The following SPOCK3 variants were observed in gnomAD, a reference collection of about 807,000 sequenced individuals.
SPOCK3 encodes testican-3.
In SPOCK3, 30 loss-of-function variants were observed where a neutral mutation model predicts 56.6. The ratio of observed to expected loss-of-function variants is 0.53; its 90% CI spans 0.40 to 0.72. The LOEUF is 0.72. Ranked by LOEUF, SPOCK3 falls within the 30% of genes least tolerant of loss-of-function variation. The pLI, the probability that SPOCK3 is intolerant of heterozygous loss-of-function variation, is 0.00. For missense variants in SPOCK3, 527 were observed against 530.0 expected, an observed-to-expected ratio of 0.99 and a Z score of 0.06; for synonymous variants, 196 against 183.3, an observed-to-expected ratio of 1.07 and a Z score of -0.56.
At chr4:167,069,530 C>T (rs548543365) in intron 2 of SPOCK3, among the ~76,000 whole-genome samples, 16 of 151,866 alleles carry the variant, frequency 1.1e-4, no homozygotes, top group African/African-American at 2.9e-4. Flanking sequence ...TCGTAGCGGG[C>T]GGGTTTGTTG....
At chr4:167,223,683 A>G (rs1266668443) in intron 2 of SPOCK3, among the ~76,000 whole-genome samples, 3 of 152,034 alleles carry the variant, frequency 2.0e-5, no homozygotes, top group Non-Finnish European at 4.4e-5. Flanking sequence ...GGCACAGTGA[A>G]TCATGCCTGT....
At chr4:167,038,943 T>G (rs1474692052) in intron 3 of SPOCK3, among the ~76,000 whole-genome samples, 1 of 152,180 alleles carries the variant, frequency 6.6e-6, no homozygotes, top group Non-Finnish European at 1.5e-5. Flanking sequence ...TGTATTCATT[T>G]CCTGGTACTG....
chr4:166,754,303 A>G (rs1736784058), intron 8 of SPOCK3: 5 of 1,292,882 alleles, frequency 3.9e-6, no homozygotes, highest in Non-Finnish European at 4.9e-6. Context: ...ATTAATTACT[A>G]TTTTTCATCT....
chr4:167,088,357 T>A (rs903032834), intron 2 of SPOCK3, among the ~76,000 whole-genome samples: 1 of 152,120 alleles, frequency 6.6e-6, no homozygotes, highest in Non-Finnish European at 1.5e-5. Flanking sequence ...AGGGTTTTAA[T>A]CTTTTCTCAG....
intron 6 of SPOCK3, among the ~76,000 whole-genome samples, chr4:166,834,626 C>G (rs768288947): frequency 1.6e-4 from 25 of 152,016 alleles, no homozygotes; most frequent in Non-Finnish European, 2.1e-4. Flanking sequence ...GTGTGTTTCA[C>G]AAAATATCTG....
intron 2 of SPOCK3, among the ~76,000 whole-genome samples, chr4:167,072,672 T>C (rs1169304046): frequency 2.0e-5 from 3 of 151,980 alleles, no homozygotes; most frequent in African/African-American, 7.2e-5. Flanking sequence ...TTCTAAGTAC[T>C]TTTATTTTTT....
At chr4:167,158,895 T>TCAGTAA (rs1765043107) in intron 2 of SPOCK3, among the ~76,000 whole-genome samples, 1 of 151,988 alleles carries the variant, frequency 6.6e-6, no homozygotes, top group East Asian at 1.9e-4. Context: ...TGGAAAGATC[T>TCAGTAA]CAGTAACAGT....
At chr4:166,882,635 C>T (rs1319837220) in intron 6 of SPOCK3, among the ~76,000 whole-genome samples, 1 of 152,154 alleles carries the variant, frequency 6.6e-6, no homozygotes, top group Non-Finnish European at 1.5e-5. Context: ...TATCTGATAA[C>T]ATACAACTAC....
At chr4:167,168,746 T>C (rs1730225983) in intron 2 of SPOCK3, among the ~76,000 whole-genome samples, 1 of 152,092 alleles carries the variant, frequency 6.6e-6, no homozygotes, top group African/African-American at 2.4e-5. Flanking sequence ...GAGCCAAATG[T>C]TAATCACCAA....
At chr4:166,740,487 T>C (rs1468138816) in intron 9 of SPOCK3, among the ~76,000 whole-genome samples, 1 of 146,064 alleles carries the variant, frequency 6.8e-6, no homozygotes, top group African/African-American at 2.5e-5. Context: ...CAAATCTATA[T>C]AAGAACTTAT....
At chr4:167,139,162 C>G (rs1412891727) in intron 2 of SPOCK3, among the ~76,000 whole-genome samples, 2 of 151,878 alleles carry the variant, frequency 1.3e-5, no homozygotes, top group African/African-American at 2.4e-5. Flanking sequence ...ATAATAGATT[C>G]ATTTAGTCGG....
At chr4:166,905,670 T>TA (rs1736530791) in intron 5 of SPOCK3, among the ~76,000 whole-genome samples, 1 of 151,522 alleles carries the variant, frequency 6.6e-6, no homozygotes, top group Admixed American at 6.6e-5. Flanking sequence ...AATAGAAAGA[T>TA]AAAAAAGGAA....
In SPOCK3 at chr4:166,795,563, G is replaced by A. The variant is rs1741843519; in HGVS notation, c.590-3274C>T. ...CTTTAAAATTGGCAATAATTTATCT[G>A]AAACCATTGGCCAAAACAGGGATTC... On this transcript the variant is annotated intron_variant, in intron 6 of 10. Transcript: ENST00000357545. Among the ~76,000 whole-genome samples the A allele has an allele frequency of 2.0e-5, 3 of 151,906 alleles. No individual in the cohort carries two copies. The South Asian group carries it at 6.2e-4, about 32-fold the overall frequency.
At chr4:167,077,233 T>C (rs559915822) in intron 2 of SPOCK3, among the ~76,000 whole-genome samples, 2 of 151,660 alleles carry the variant, frequency 1.3e-5, no homozygotes, top group East Asian at 1.9e-4. Flanking sequence ...TCATTAAATA[T>C]AGAGAGATAA....
At chr4:167,168,838 GA>G (rs1029076011) in intron 2 of SPOCK3, among the ~76,000 whole-genome samples, 1 of 151,970 alleles carries the variant, frequency 6.6e-6, no homozygotes, top group South Asian at 2.1e-4. Context: ...AGGCATAGGA[GA>G]AAAAAAATGG....
chr4:166,885,489 T>C (rs1204688857), intron 6 of SPOCK3, among the ~76,000 whole-genome samples: 1 of 152,162 alleles, frequency 6.6e-6, no homozygotes, highest in Non-Finnish European at 1.5e-5. Context: ...AATGACCGAT[T>C]TGCACTGTAT....
chr4:166,831,754 TTTTG>T (rs1339759387), intron 6 of SPOCK3, among the ~76,000 whole-genome samples: 5 of 124,898 alleles, frequency 4.0e-5, no homozygotes, highest in Non-Finnish European at 7.9e-5. Flanking sequence ...TGTTCTCCAT[TTTTG>T]TTTTTTTTTT....
intron 4 of SPOCK3, among the ~76,000 whole-genome samples, chr4:166,944,478 A>G (rs931089167): frequency 2.6e-5 from 4 of 152,184 alleles, no homozygotes; most frequent in African/African-American, 9.6e-5. Context: ...TTTTGTATAT[A>G]GTTGACACTT....
intron 2 of SPOCK3, among the ~76,000 whole-genome samples, chr4:167,174,568 G>T (rs1170419069): frequency 2.6e-5 from 4 of 152,100 alleles, no homozygotes; most frequent in Admixed American, 2.0e-4. Flanking sequence ...GACCAGTCAG[G>T]TCAAACACTA....
Sources: gnomAD v4.1 joint callset for allele counts (sites outside exome capture counted in the v4.1 genomes callset) on GRCh38, gnomAD v4.1.1 for gene constraint, MANE v1.5 for transcripts, NCBI Gene and HGNC (gene_info 2026-07-23, HGNC 2026-07-21) for gene names.